Variants in KIAA1958 observed in about 807,000 individuals in gnomAD.
KIAA1958 encodes the protein uncharacterized protein KIAA1958.
KIAA1958 carries 14 observed loss-of-function variants against 47.2 expected under a neutral mutation model. The observed-to-expected ratio is 0.30, with a 90% CI of 0.20 to 0.46. The LOEUF (loss-of-function observed/expected upper bound fraction) is 0.46. Among genes scored for constraint, KIAA1958 ranks in the 20% least tolerant of loss-of-function variants. The pLI is 1.00. For synonymous variants in KIAA1958, 354 were observed against 353.3 expected, an observed-to-expected ratio of 1.00 and a Z score of -0.02; for missense variants, 803 against 909.2, an observed-to-expected ratio of 0.88 and a Z score of 1.50.
chr9:112,614,484 G>C (rs1225536420), intron 2 of KIAA1958, among the ~76,000 whole-genome samples: 1 of 152,172 alleles, frequency 6.6e-6, no homozygotes, highest in African/African-American at 2.4e-5. Flanking sequence ...GCAGACAGTT[G>C]TAATAGTTTT....
At chr9:112,620,765 A>T (rs1194831558) in intron 2 of KIAA1958, among the ~76,000 whole-genome samples, 1 of 152,152 alleles carries the variant, frequency 6.6e-6, no homozygotes, top group Non-Finnish European at 1.5e-5. Context: ...CATGGATCAC[A>T]TATGTAAGTC....
At chr9:112,586,075 A>C (rs537982309) in intron 2 of KIAA1958, among the ~76,000 whole-genome samples, 3 of 152,344 alleles carry the variant, frequency 2.0e-5, no homozygotes, top group Non-Finnish European at 2.9e-5. Context: ...TTTAAAAACA[A>C]AACAAAACTT....
At chr9:112,487,395 C>T (rs1833878134) in intron 1 of KIAA1958, among the ~76,000 whole-genome samples, 1 of 151,622 alleles carries the variant, frequency 6.6e-6, no homozygotes, top group Admixed American at 6.6e-5. Context: ...CTGCCCCGGG[C>T]CGCCCCGCCG....
intron 1 of KIAA1958, among the ~76,000 whole-genome samples, chr9:112,521,822 C>T (rs1435878918): frequency 1.3e-5 from 2 of 151,986 alleles, no homozygotes; most frequent in South Asian, 2.1e-4. Context: ...CAATAGGATA[C>T]ATTCTCTTGT....
intron 1 of KIAA1958, among the ~76,000 whole-genome samples, chr9:112,525,816 C>T (rs1243193370): frequency 6.6e-6 from 1 of 150,910 alleles, no homozygotes; most frequent in Non-Finnish European, 1.5e-5. Flanking sequence ...CCGCAATTTA[C>T]TGAATCTGGG....
intron 1 of KIAA1958, among the ~76,000 whole-genome samples, chr9:112,571,231 G>A (rs570862256): frequency 2.6e-5 from 4 of 152,292 alleles, no homozygotes; most frequent in Admixed American, 6.5e-5. Context: ...CTGAATTTAA[G>A]TCCACAAGTT....
chr9:112,612,721 T>C (rs1836346919), intron 2 of KIAA1958, among the ~76,000 whole-genome samples: 1 of 152,226 alleles, frequency 6.6e-6, no homozygotes, highest in Non-Finnish European at 1.5e-5. Context: ...GTTCAACATA[T>C]GTGCAGGGCG....
In KIAA1958 at chr9:112,486,848, C is replaced by T. The variant is rs1390547209; in HGVS notation, c.-295C>T. Reference sequence around the variant, plus strand: ...CCGCCCCCTGCCCGCCCGCCGCGCTCCGAGCCGGGCGCGCGGAGCTCGGGG... The same window carrying T: ...CCGCCCCCTGCCCGCCCGCCGCGCTTCGAGCCGGGCGCGCGGAGCTCGGGG... On this transcript the variant is annotated 5_prime_UTR_variant, in exon 1 of 4. Coordinates refer to ENST00000337530, the MANE Select transcript of KIAA1958 (RefSeq NM_133465.4). 7.1e-6 allele frequency: 1 copy of T among 141,542 alleles called. No homozygotes were observed. The highest frequency in any genetic ancestry group is 1.6e-5 in the Non-Finnish European group (1 of 63,602). The allele number at this position is 141,542 out of a possible 1,614,324, so 8.8% of individuals were successfully genotyped here. A position where few individuals can be genotyped will look rare whatever the true frequency, so the allele number is the denominator to read the frequency against.
intron 2 of KIAA1958, among the ~76,000 whole-genome samples, chr9:112,579,594 CTCTT>C (rs1333978878): frequency 6.6e-6 from 1 of 151,866 alleles, no homozygotes; most frequent in African/African-American, 2.4e-5. Context: ...TTTTATTGAT[CTCTT>C]TATTTTTTCT....
rs190858265 is a variant in KIAA1958 at position 112,490,996 on chromosome 9, C to G, written c.-25+3878C>G. 2.0e-5 allele frequency among the ~76,000 whole-genome samples: 3 copies of G among 152,316 alleles called. No individual in the cohort carries two copies. The East Asian group carries it at 5.8e-4, about 29-fold the overall frequency. On this transcript the variant is annotated intron_variant, in intron 1 of 3. Transcript: ENST00000337530. ...ACATTATGTTTTTTAGAGACACAGT[C>G]GCACTCTGTCACCCACGCTGGAATA...
intron 1 of KIAA1958, among the ~76,000 whole-genome samples, chr9:112,512,403 A>G (rs1250953025): frequency 6.6e-6 from 1 of 152,164 alleles, no homozygotes; most frequent in Non-Finnish European, 1.5e-5. Context: ...CCATATGATC[A>G]TTTGATTGCT....
At chr9:112,564,750 C>G (rs998519825) in intron 1 of KIAA1958, among the ~76,000 whole-genome samples, 1 of 151,996 alleles carries the variant, frequency 6.6e-6, no homozygotes, top group African/African-American at 2.4e-5. Context: ...TCTATCAAAC[C>G]AGATAATATC....
intron 2 of KIAA1958, among the ~76,000 whole-genome samples, chr9:112,590,350 CTT>C (rs893352438): frequency 9.7e-5 from 13 of 134,268 alleles, no homozygotes; most frequent in African/African-American, 8.3e-5. Flanking sequence ...AGACACCCTT[CTT>C]TTTTTTTTTT....
At chr9:112,515,918 G>GAAAA (rs1564155552) in intron 1 of KIAA1958, among the ~76,000 whole-genome samples, 15 of 134,970 alleles carry the variant, frequency 1.1e-4, no homozygotes, top group South Asian at 4.8e-4. Flanking sequence ...AAAAAAGACT[G>GAAAA]AATGCTTTTC....
intron 1 of KIAA1958, among the ~76,000 whole-genome samples, chr9:112,571,705 C>T (rs1835536469): frequency 6.6e-6 from 1 of 151,644 alleles, no homozygotes; most frequent in Non-Finnish European, 1.5e-5. Context: ...AATCCCTGAG[C>T]TTTGGGAGGC....
chr9:112,651,412 G>A (rs1276725171), intron 3 of KIAA1958, among the ~76,000 whole-genome samples: 2 of 124,244 alleles, frequency 1.6e-5, no homozygotes, highest in South Asian at 2.5e-4. Context: ...TTTTTTTTTC[G>A]GAGACAGAGT....
chr9:112,561,815 A>G (rs1270643953), intron 1 of KIAA1958, among the ~76,000 whole-genome samples: 1 of 152,216 alleles, frequency 6.6e-6, no homozygotes, highest in African/African-American at 2.4e-5. Context: ...AGATCGTGCC[A>G]TTGCACTGCA....
intron 2 of KIAA1958, among the ~76,000 whole-genome samples, chr9:112,603,769 C>T (rs1836176697): frequency 6.6e-6 from 1 of 152,232 alleles, no homozygotes; most frequent in South Asian, 2.1e-4. Context: ...TGCCAGGGGG[C>T]ACAGTGGGTA....
intron 3 of KIAA1958, among the ~76,000 whole-genome samples, chr9:112,648,739 T>A (rs1175432819): frequency 6.6e-6 from 1 of 152,212 alleles, no homozygotes; most frequent in Non-Finnish European, 1.5e-5. Flanking sequence ...CATTTTCAAG[T>A]AACTTAATCA....
Sources: gnomAD v4.1 joint callset for allele counts (sites outside exome capture counted in the v4.1 genomes callset) on GRCh38, gnomAD v4.1.1 for gene constraint, MANE v1.5 for transcripts, NCBI Gene and HGNC (gene_info 2026-07-23, HGNC 2026-07-21) for gene names.